CDK1: variants seen among roughly 807,000 people sequenced by gnomAD.
The protein encoded by CDK1 is cyclin-dependent kinase 1.
In CDK1, 5 loss-of-function variants were observed where a neutral mutation model predicts 34.6. The ratio of observed to expected loss-of-function variants is 0.14; its 90% CI spans 0.08 to 0.30. CDK1 has a LOEUF of 0.30. Among genes scored for constraint, CDK1 ranks in the 10% least tolerant of loss-of-function variants. The probability of loss-of-function intolerance (pLI) is 1.00; values close to 1 mark genes in which losing one functional copy is unlikely to be tolerated. For synonymous variants in CDK1, 108 were observed against 114.7 expected (o/e 0.94, Z 0.37); for missense variants, 157 against 345.7 (o/e 0.45, Z 4.33).
At position 60,789,547 on chromosome 10, in the gene CDK1, C is replaced by CT. The variant is rs201845642; in HGVS notation, c.489+1324dup. 7.5e-3 allele frequency among the ~76,000 whole-genome samples: 1,146 copies of CT among 152,166 alleles called. 13 individuals are homozygous for CT. The highest frequency in any genetic ancestry group is 0.026 in the African/African-American group (1,085 of 41,516). ...TTGTCATAAATGACAGAATTTCATT[C>CT]TTTTTTTATGGCTGAGTAGTATTCT... On this transcript the variant is annotated intron_variant, in intron 5 of 7. Coordinates refer to ENST00000395284, the MANE Select transcript of CDK1 (RefSeq NM_001786.5).
intron 4 of CDK1, chr10:60,787,584 G>A (rs766429438): frequency 6.6e-6 from 1 of 151,942 alleles, no homozygotes. Flanking sequence ...GAACTAAGCA[G>A]CATTTTATGA....
chr10:60,784,615 A>G, intron 2 of CDK1, 90 bp from the exon 3 acceptor site: 1 of 1,131,474 alleles, frequency 8.8e-7, no homozygotes, highest in Non-Finnish European at 1.3e-6. Context: ...GGACAAGAAA[A>G]CAAGACCCTG....
intron 5 of CDK1, among the ~76,000 whole-genome samples, chr10:60,789,536 AGAATTTCATTCTTTTTTT>A (rs1183171827): frequency 2.6e-5 from 4 of 152,182 alleles, no homozygotes; most frequent in Non-Finnish European, 5.9e-5. Flanking sequence ...CATAAATGAC[AGAATTTCATTCTTTTTTT>A]ATGGCTGAGT....
At chr10:60,783,904 T>G (rs2132065621) in intron 2 of CDK1, among the ~76,000 whole-genome samples, 1 of 152,356 alleles carries the variant, frequency 6.6e-6, no homozygotes, top group South Asian at 2.1e-4. Context: ...CCTGGTCTTT[T>G]TTCTCCATTC....
intron 3 of CDK1, 89 bp from the exon 4 acceptor site, chr10:60,785,575 C>A: frequency 2.6e-6 from 2 of 760,090 alleles, no homozygotes; most frequent in Non-Finnish European, 4.2e-6. Context: ...TTTATTATAG[C>A]AACTGAAATT....
intron 4 of CDK1, chr10:60,786,605 A>G (rs2080318378): frequency 6.0e-6 from 1 of 166,662 alleles, no homozygotes; most frequent in East Asian, 1.9e-4. Flanking sequence ...GATGGATTGA[A>G]GATGTTTATT....
Position 60,792,245 on chromosome 10 carries a change from T to C in CDK1, c.751T>C (p.Ser251Pro). 1.9e-6 allele frequency: 3 copies of C among 1,612,288 alleles called. No homozygotes were observed. Among genetic ancestry groups the C allele is most frequent in the Non-Finnish European group, 2.5e-6 (3 of 1,179,262 alleles). The change falls in exon 7 of 8, where the codon TCC (serine) becomes CCC (proline). Residue 251 changes from serine (S) to proline (P), a missense_variant. Physicochemically the swap from Ser to Pro is moderately conservative, Grantham distance 74. This residue lies in a region of CDK1 where 102 missense variants were observed against 233.6 expected (regional missense o/e 0.44). Transcript: ENST00000395284. ...CAAATGGAAACCAGGAAGCCTAGCA[T>C]CCCATGTCAAAAACTTGGATGAAAA... Reference protein sequence around the residue: ...FPKWKPGSLASHVKNLDENGL... With the variant: ...FPKWKPGSLAPHVKNLDENGL...
chr10:60,791,751 A>G (rs2080361368), intron 5 of CDK1, 139 bp from the exon 6 acceptor site: 3 of 492,524 alleles, frequency 6.1e-6, no homozygotes, highest in Non-Finnish European at 1.1e-5. Flanking sequence ...AATTTTGTGT[A>G]CCTTTAATTG....
intron 4 of CDK1, chr10:60,786,368 T>C: frequency 1.3e-6 from 1 of 798,308 alleles, no homozygotes; most frequent in Non-Finnish European, 1.5e-6. Context: ...TATTTGCATA[T>C]GTATATATAC....
At chr10:60,790,859 AT>A (rs2080355037) in intron 5 of CDK1, among the ~76,000 whole-genome samples, 1 of 151,844 alleles carries the variant, frequency 6.6e-6, no homozygotes, top group African/African-American at 2.4e-5. Flanking sequence ...TTATTTCTGG[AT>A]TCTCTATTTT....
intron 4 of CDK1, chr10:60,786,378 C>T: frequency 3.8e-6 from 3 of 790,468 alleles, no homozygotes; most frequent in Non-Finnish European, 4.6e-6. Flanking sequence ...TGTATATATA[C>T]ATATTTTCCC....
chr10:60,789,353 G>C (rs1265811450), intron 5 of CDK1, among the ~76,000 whole-genome samples: 1 of 152,072 alleles, frequency 6.6e-6, no homozygotes, highest in Non-Finnish European at 1.5e-5. Context: ...TTCCTTTTGA[G>C]CTGTAATTGT....
chr10:60,782,859 C>A (rs1186716717), intron 2 of CDK1, among the ~76,000 whole-genome samples: 1 of 151,994 alleles, frequency 6.6e-6, no homozygotes, highest in Non-Finnish European at 1.5e-5. Context: ...TTGTTTAACC[C>A]CTCTTCCAGT....
At chr10:60,787,271 C>T (rs1035367850) in intron 4 of CDK1, among the ~76,000 whole-genome samples, 1 of 152,042 alleles carries the variant, frequency 6.6e-6, no homozygotes, top group Non-Finnish European at 1.5e-5. Context: ...CAACTATATG[C>T]TAATGTAAGT....
chr10:60,792,321 T>C (rs1311155464), intron 7 of CDK1, 32 bp downstream of exon 7: 2 of 1,555,596 alleles, frequency 1.3e-6, no homozygotes, highest in East Asian at 4.5e-5. Flanking sequence ...GACTTTCAAA[T>C]TATTGATGAT....
chr10:60,792,235 A>G lies in CDK1; in HGVS notation c.741A>G (p.Gly247=). The change falls in exon 7 of 8, where the codon GGA becomes GGG. Residue 247 remains glycine, a synonymous_variant. Coordinates refer to ENST00000395284, the MANE Select transcript of CDK1 (RefSeq NM_001786.5). Reference sequence around the variant, plus strand: ...ATACATTTCCCAAATGGAAACCAGGAAGCCTAGCATCCCATGTCAAAAACT... The same window carrying G: ...ATACATTTCCCAAATGGAAACCAGGGAGCCTAGCATCCCATGTCAAAAACT... ...YKNTFPKWKP[G]SLASHVKNLD... The G allele has an allele frequency of 6.2e-7, 1 of 1,613,162 alleles. No individual in the cohort carries two copies. The highest frequency in any genetic ancestry group is 8.5e-7 in the Non-Finnish European group (1 of 1,179,562).
intron 1 of CDK1, among the ~76,000 whole-genome samples, chr10:60,779,235 T>C (rs2080251480): frequency 6.6e-6 from 1 of 152,246 alleles, no homozygotes; most frequent in Non-Finnish European, 1.5e-5. Context: ...AAGATGAATG[T>C]GAGAAATAGA....
intron 7 of CDK1, 134 bp downstream of exon 7, chr10:60,792,423 C>T (rs1281068190): frequency 4.5e-6 from 3 of 668,728 alleles, no homozygotes; most frequent in Non-Finnish European, 4.7e-6. Context: ...TTGTATTATA[C>T]TAGCTTCATT....
intron 2 of CDK1, among the ~76,000 whole-genome samples, chr10:60,781,059 T>C (rs1458877868): frequency 7.1e-5 from 1 of 14,084 alleles, no homozygotes; most frequent in African/African-American, 1.3e-4. Context: ...TATATATATA[T>C]TTTTTTTTTA....
Sources: gnomAD v4.1 joint callset for allele counts (sites outside exome capture counted in the v4.1 genomes callset) on GRCh38, gnomAD v4.1.1 for gene constraint, gnomAD v4.1.1 regional missense constraint, MANE v1.5 for transcripts, NCBI Gene and HGNC (gene_info 2026-07-23, HGNC 2026-07-21) for gene names.